The following ODAD2 variants were observed in gnomAD, a reference collection of about 807,000 sequenced individuals.
ODAD2 encodes outer dynein arm docking complex subunit 2.
Under a neutral mutation model 106.8 loss-of-function variants are expected in ODAD2, and 89 were observed. The ratio of observed to expected loss-of-function variants is 0.83; its 90% confidence interval spans 0.70 to 0.99. The LOEUF is 0.99. Among genes scored for constraint, ODAD2 ranks in the 50% least tolerant of loss-of-function variants. The pLI is 0.00. For missense variants in ODAD2, 1,168 were observed against 1,238.5 expected (o/e 0.94, Z 0.85); for synonymous variants, 404 against 436.2 (o/e 0.93, Z 0.92).
At chr10:27,975,946 A>G (rs1588645241) in intron 7 of ODAD2, among the ~76,000 whole-genome samples, 1 of 152,270 alleles carries the variant, frequency 6.6e-6, no homozygotes, top group East Asian at 1.9e-4. Flanking sequence ...AAAAGATTCA[A>G]GTGGGGTTTG....
At chr10:27,862,036 A>G (rs1840081844) in intron 18 of ODAD2, among the ~76,000 whole-genome samples, 1 of 152,208 alleles carries the variant, frequency 6.6e-6, no homozygotes, top group African/African-American at 2.4e-5. Flanking sequence ...TAGCTCAAGA[A>G]TGCCATCGAC....
At chr10:27,956,686 T>A (rs1296918014) in intron 10 of ODAD2, among the ~76,000 whole-genome samples, 7 of 152,208 alleles carry the variant, frequency 4.6e-5, no homozygotes, top group Non-Finnish European at 1.0e-4. Context: ...AATGTTTTAC[T>A]GGATTTACTG....
At chr10:27,935,743 C>T (rs1406698903) in intron 15 of ODAD2, among the ~76,000 whole-genome samples, 6 of 148,904 alleles carry the variant, frequency 4.0e-5, no homozygotes, top group Admixed American at 4.0e-4. Flanking sequence ...CTATATTAAC[C>T]ACTAATACAT....
chr10:27,890,698 A>G (rs891055266), intron 17 of ODAD2, among the ~76,000 whole-genome samples: 1 of 152,012 alleles, frequency 6.6e-6, no homozygotes, highest in Non-Finnish European at 1.5e-5. Flanking sequence ...TGCTCTGAAG[A>G]CAGGCTTTTT....
chr10:27,988,860 A>C (rs971005030), intron 2 of ODAD2, among the ~76,000 whole-genome samples: 3 of 152,220 alleles, frequency 2.0e-5, no homozygotes, highest in African/African-American at 7.2e-5. Flanking sequence ...TTTGCATAGA[A>C]ATTAAGTCAA....
In ODAD2 at chr10:27,987,443, G is replaced by A. The variant is rs753265688; in HGVS notation, c.325C>T (p.Arg109Cys). ...CCAGTTTTGGCAATAAGTAACAAGC[G>A]TGACAGCTGCCCAAAGCTCCTAATT... ...IKIRSFGQLS[R>C]LLLIAKTGKL... The change falls in exon 3 of 20, where the codon CGC (arginine) becomes TGC (cysteine). Residue 109 changes from arginine (R) to cysteine (C), a missense_variant. Arg to Cys is a radical substitution (Grantham distance 180). Transcript: ENST00000305242. The A allele has an allele frequency of 9.3e-6, 15 of 1,613,934 alleles. No homozygotes were observed. The East Asian group carries it at 1.3e-4, about 14-fold the overall frequency.
At chr10:27,866,813 T>A (rs1840472130) in intron 17 of ODAD2, among the ~76,000 whole-genome samples, 1 of 152,044 alleles carries the variant, frequency 6.6e-6, no homozygotes. Flanking sequence ...AAGGCATTCA[T>A]AAGGGATCAG....
At chr10:27,829,815 C>A (rs911400524) in intron 19 of ODAD2, among the ~76,000 whole-genome samples, 2 of 152,112 alleles carry the variant, frequency 1.3e-5, no homozygotes, top group Admixed American at 6.5e-5. Flanking sequence ...CAGAATAATA[C>A]TTCTTCCTCT....
intron 17 of ODAD2, among the ~76,000 whole-genome samples, chr10:27,885,715 T>A (rs1244811143): frequency 3.8e-4 from 14 of 36,586 alleles, no homozygotes; most frequent in East Asian, 2.2e-3. Flanking sequence ...AAATATATAT[T>A]ATATATTATA....
At chr10:27,989,660 G>C (rs192489379) in intron 2 of ODAD2, among the ~76,000 whole-genome samples, 1 of 152,158 alleles carries the variant, frequency 6.6e-6, no homozygotes, top group Non-Finnish European at 1.5e-5. Context: ...GTTGAAGCCT[G>C]TAACTTAACA....
rs191035808 is a variant in ODAD2, at chr10:27,848,640, A to G, written c.3021+11985T>C. Among the ~76,000 whole-genome samples the G allele has an allele frequency of 2.0e-5, 3 of 152,364 alleles. No individual in the cohort carries two copies. The South Asian group carries it at 6.2e-4, about 32-fold the overall frequency. On this transcript the variant is annotated intron_variant, in intron 19 of 19. Transcript: ENST00000305242. ...AACAGGCAACCTACAGAATGGGAGA[A>G]AATTTTTGCAATCTACCCATCTGAC...
chr10:27,899,066 C>T lies in ODAD2; in HGVS notation c.2610+8597G>A, dbSNP rs560678190. ...TCTGGTCTGCAGCTCCCAGTGAGAT[C>T]GACACAGAAAGTGGGTGATTTCTGC... On this transcript the variant is annotated intron_variant, in intron 17 of 19. Transcript: ENST00000305242. 3.0e-4 allele frequency among the ~76,000 whole-genome samples: 46 copies of T among 152,120 alleles called. 1 individual carries two copies. In the Middle Eastern group the frequency reaches 0.01, roughly 34 times the overall value.
rs1233963133 is a variant in ODAD2 at position 27,812,632 on chromosome 10, C to G, written c.3022-7G>C. On this transcript the variant is annotated splice_polypyrimidine_tract_variant and splice_region_variant and intron_variant, in intron 19 of 19. Transcript: ENST00000305242. ...CAACCATATCCAGTAGAAGCTGTCA[C>G]ACATAAGGAGGAGAAGAAGGGACAC... 2 of 1,574,150 alleles carry G rather than the reference C, an allele frequency of 1.3e-6. No individual in the cohort carries two copies. Among genetic ancestry groups the G allele is most frequent in the Non-Finnish European group, 1.7e-6 (2 of 1,167,792 alleles).
intron 10 of ODAD2, among the ~76,000 whole-genome samples, chr10:27,956,764 G>A (rs1847763577): frequency 6.6e-6 from 1 of 152,104 alleles, no homozygotes; most frequent in Non-Finnish European, 1.5e-5. Flanking sequence ...ACGTGTTTTT[G>A]ACCTTGGATC....
At chr10:27,970,403 T>A (rs1564562969) in intron 8 of ODAD2, among the ~76,000 whole-genome samples, 1 of 152,096 alleles carries the variant, frequency 6.6e-6, no homozygotes, top group Non-Finnish European at 1.5e-5. Flanking sequence ...CATTCCACAT[T>A]CTCCCAGTGC....
chr10:27,971,277 C>T lies in ODAD2; in HGVS notation c.973G>A (p.Asp325Asn). The change falls in exon 8 of 20, where the codon GAT becomes AAT. Residue 325 changes from aspartate to asparagine, a missense_variant. By Grantham distance (23) the Asp-to-Asn change is conservative. This residue lies in a region of ODAD2 where 430 missense variants were observed against 452.2 expected (regional missense o/e 0.95). Transcript: ENST00000305242. ...TTCTTGGGGGCTTTGCCAAGCTGAT[C>T]CTTTTCCTTTTGCTGGTCTTCACTG... is the stretch of plus-strand genomic sequence containing the variant. ...SFSEDQQKEKDQLGKAPKKEE... is the reference protein window; with the variant it reads ...SFSEDQQKEKNQLGKAPKKEE... 6.2e-7 allele frequency: 1 copy of T among 1,611,818 alleles called. No homozygotes were observed. Among genetic ancestry groups the T allele is most frequent in the Non-Finnish European group, 8.5e-7 (1 of 1,179,114 alleles).
At chr10:27,934,474 T>C (rs1357843648) in intron 16 of ODAD2, among the ~76,000 whole-genome samples, 1 of 150,560 alleles carries the variant, frequency 6.6e-6, no homozygotes, top group Non-Finnish European at 1.5e-5. Flanking sequence ...TATTTATATA[T>C]GGATATATCT....
intron 17 of ODAD2, chr10:27,904,120 C>A: frequency 6.1e-6 from 1 of 162,860 alleles, no homozygotes; most frequent in Non-Finnish European, 1.4e-5. Context: ...ACAGAATGAC[C>A]CACACCTTAG....
At chr10:27,901,609 T>C (rs986543514) in intron 17 of ODAD2, among the ~76,000 whole-genome samples, 1 of 151,896 alleles carries the variant, frequency 6.6e-6, no homozygotes, top group African/African-American at 2.4e-5. Context: ...AATAAAGGAA[T>C]AGAGGAATCT....
Sources: allele counts gnomAD v4.1 joint callset (sites outside exome capture counted in the v4.1 genomes callset), GRCh38; gene constraint gnomAD v4.1.1; regional missense constraint gnomAD v4.1.1; transcripts MANE v1.5; gene names NCBI Gene and HGNC (gene_info 2026-07-23, HGNC 2026-07-21).